FARS2: variants seen among roughly 807,000 people sequenced by gnomAD.
FARS2 encodes the protein phenylalanyl-tRNA synthetase 2, mitochondrial.
FARS2 carries 40 observed loss-of-function variants against 46.4 expected under a neutral mutation model. That is an observed-to-expected ratio of 0.86 (90% CI 0.67 to 1.12). The LOEUF (loss-of-function observed/expected upper bound fraction) is 1.12. FARS2 is among the 50% of genes most tolerant of loss of function. FARS2 has a pLI of 0.00. For synonymous variants in FARS2, 234 were observed against 214.9 expected (o/e 1.09, Z -0.78); for missense variants, 513 against 567.9 (o/e 0.90, Z 0.98).
intron 6 of FARS2, among the ~76,000 whole-genome samples, chr6:5,749,969 C>G (rs1357259549): frequency 6.6e-6 from 1 of 152,168 alleles, no homozygotes; most frequent in South Asian, 2.1e-4. Context: ...ACGCATTCCA[C>G]CCAGTAAGGA....
At chr6:5,617,486 G>A (rs930526238) in intron 6 of FARS2, among the ~76,000 whole-genome samples, 11 of 152,298 alleles carry the variant, frequency 7.2e-5, no homozygotes, top group East Asian at 1.9e-4. Context: ...CCCTGCCCCC[G>A]TCCTTCTGCC....
At chr6:5,658,354 A>T (rs556186199) in intron 6 of FARS2, among the ~76,000 whole-genome samples, 1 of 152,330 alleles carries the variant, frequency 6.6e-6, no homozygotes, top group East Asian at 1.9e-4. Context: ...TATTGTTATT[A>T]CTTAGCAGAG....
intron 6 of FARS2, among the ~76,000 whole-genome samples, chr6:5,674,916 GGGAAGTTCTCAGAGTCACAAGAAGT>G (rs2150818026): frequency 6.6e-6 from 1 of 152,326 alleles, no homozygotes; most frequent in South Asian, 2.1e-4. Flanking sequence ...AACAGGCAAA[GGGAAGTTCTCAGAGTCACAAGAAGT>G]GGTCAGTGGC....
chr6:5,724,683 C>G (rs1159549261), intron 6 of FARS2, among the ~76,000 whole-genome samples: 1 of 152,220 alleles, frequency 6.6e-6, no homozygotes, highest in African/African-American at 2.4e-5. Flanking sequence ...TCTGTGTCCT[C>G]CCCGACACTG....
chr6:5,590,394 G>C (rs1773846536), intron 5 of FARS2, among the ~76,000 whole-genome samples: 1 of 152,182 alleles, frequency 6.6e-6, no homozygotes. Flanking sequence ...AGCCAGCCCG[G>C]TTGAGAGCCC....
chr6:5,374,433 G>C (rs1388326554), intron 2 of FARS2, among the ~76,000 whole-genome samples: 1 of 151,968 alleles, frequency 6.6e-6, no homozygotes, highest in African/African-American at 2.4e-5. Flanking sequence ...AAAGATAAAA[G>C]CATTCATTAC....
intron 6 of FARS2, among the ~76,000 whole-genome samples, chr6:5,664,717 C>T (rs367837813): frequency 3.3e-5 from 5 of 152,262 alleles, no homozygotes; most frequent in South Asian, 2.1e-4. Flanking sequence ...CATCCTAGTC[C>T]TAGTCCTTAA....
At chr6:5,697,733 T>A (rs189446981) in intron 6 of FARS2, among the ~76,000 whole-genome samples, 310 of 152,324 alleles carry the variant, frequency 2.0e-3, no homozygotes, top group Admixed American at 4.9e-3. Context: ...ACAGAACCTG[T>A]TTTGCATTCA....
At position 5,471,863 on chromosome 6, in the gene FARS2, G is replaced by T. The variant is rs887863567; in HGVS notation, c.904+40691G>T. Among the ~76,000 whole-genome samples the T allele has an allele frequency of 6.6e-6, 1 of 152,188 alleles. No homozygotes were observed. The highest frequency in any genetic ancestry group is 1.5e-5 in the Non-Finnish European group (1 of 68,034). ...AGCTGCAGTGTGGTGCAGCAGATGC[G>T]TACTGGTGGTTGCCATGGAGATCGC... On this transcript the variant is annotated intron_variant, in intron 4 of 6. Transcript: ENST00000274680. This position sits in a 1 kb window ranked among gnomAD's most constrained non-coding sequence, Gnocchi z 4.1.
chr6:5,755,276 G>A (rs1175084779), intron 6 of FARS2, among the ~76,000 whole-genome samples: 2 of 152,060 alleles, frequency 1.3e-5, no homozygotes, highest in African/African-American at 4.8e-5. Flanking sequence ...TGCCATGGTG[G>A]TTTGCTGCAC....
intron 6 of FARS2, among the ~76,000 whole-genome samples, chr6:5,703,580 T>A (rs1190898499): frequency 6.6e-6 from 1 of 152,196 alleles, no homozygotes; most frequent in Non-Finnish European, 1.5e-5. Flanking sequence ...TAAATTTGAT[T>A]TCATCTACTT....
chr6:5,465,887 C>T (rs1765487098), intron 4 of FARS2, among the ~76,000 whole-genome samples: 1 of 151,100 alleles, frequency 6.6e-6, no homozygotes, highest in Non-Finnish European at 1.5e-5. Flanking sequence ...AATTTTTTTT[C>T]AAAAATAGTT....
chr6:5,554,622 G>T (rs9378965), intron 5 of FARS2, among the ~76,000 whole-genome samples: 1 of 152,074 alleles, frequency 6.6e-6, no homozygotes, highest in Non-Finnish European at 1.5e-5. Context: ...ATAATACTTG[G>T]CATTTGTTGA....
At chr6:5,732,886 C>G (rs963931896) in intron 6 of FARS2, among the ~76,000 whole-genome samples, 18 of 152,110 alleles carry the variant, frequency 1.2e-4, no homozygotes, top group African/African-American at 4.3e-4. Flanking sequence ...ATCACTTCCA[C>G]AGTTGCTGAA....
intron 4 of FARS2, among the ~76,000 whole-genome samples, chr6:5,528,014 A>G (rs1181809576): frequency 6.6e-6 from 1 of 152,214 alleles, no homozygotes; most frequent in Non-Finnish European, 1.5e-5. Context: ...GCAAGTCAGT[A>G]TATTTAGCCT....
At chr6:5,282,632 G>T (rs4516992) in intron 1 of FARS2, among the ~76,000 whole-genome samples, 1,775 of 152,334 alleles carry the variant, frequency 0.012, 29 homozygotes, top group African/African-American at 0.04. Flanking sequence ...TTGGGCCCGT[G>T]TGGAGCACTT....
At chr6:5,249,981 C>T in the FARS2 span, among the ~76,000 whole-genome samples, 1 of 152,212 alleles carries the variant, frequency 6.6e-6, no homozygotes, top group South Asian at 2.1e-4. Context: ...TCATTATAGC[C>T]ATTTCAAACA....
At chr6:5,464,022 G>C (rs538031529) in intron 4 of FARS2, among the ~76,000 whole-genome samples, 11 of 152,308 alleles carry the variant, frequency 7.2e-5, no homozygotes, top group Admixed American at 6.5e-4. Context: ...AGGTGCTGTG[G>C]AGTAAACCAC....
intron 3 of FARS2, among the ~76,000 whole-genome samples, chr6:5,405,480 C>CTTTTTTTTTTTTT: frequency 0.015 from 876 of 58,952 alleles, 153 homozygotes; most frequent in Non-Finnish European, 0.019. Context: ...GAGCAAGGTT[C>CTTTTTTTTTTTTT]TTTTTTTTTT....
Sources: gnomAD v4.1 joint callset for allele counts (sites outside exome capture counted in the v4.1 genomes callset) on GRCh38, gnomAD v4.1.1 for gene constraint, Gnocchi (gnomAD v3.1) non-coding constraint, MANE v1.5 for transcripts, NCBI Gene and HGNC (gene_info 2026-07-23, HGNC 2026-07-21) for gene names.